Variants in KDM4B observed in about 807,000 individuals in gnomAD.
The protein encoded by KDM4B is lysine-specific demethylase 4B.
A neutral mutation model predicts 125.2 loss-of-function variants in KDM4B; 32 were observed. The ratio of observed to expected loss-of-function variants is 0.26; its 90% CI spans 0.19 to 0.34. The LOEUF is 0.34. Ranked by LOEUF, KDM4B falls within the 10% of genes least tolerant of loss-of-function variation. KDM4B has a pLI of 1.00. For missense variants in KDM4B, 1,190 were observed against 1,577.7 expected (o/e 0.75, Z 4.16); for synonymous variants, 721 against 677.9 (o/e 1.06, Z -0.99).
intron 1 of KDM4B, among the ~76,000 whole-genome samples, chr19:4,985,325 T>TA (rs559931492): frequency 2.7e-4 from 41 of 149,392 alleles, no homozygotes; most frequent in Middle Eastern, 3.4e-3. Flanking sequence ...CTCCGTCTCT[T>TA]AAAAAAAAAA....
intron 3 of KDM4B, among the ~76,000 whole-genome samples, chr19:5,033,690 C>T (rs1194035194): frequency 6.6e-6 from 1 of 152,216 alleles, no homozygotes; most frequent in African/African-American, 2.4e-5. Flanking sequence ...CAGGAGCCTC[C>T]TCCCTGTCCC....
intron 1 of KDM4B, among the ~76,000 whole-genome samples, chr19:5,006,860 G>T (rs1568222115): frequency 6.6e-6 from 1 of 152,158 alleles, no homozygotes; most frequent in Non-Finnish European, 1.5e-5. Context: ...ACTTGGGACG[G>T]CCTCCATGTT....
intron 9 of KDM4B, among the ~76,000 whole-genome samples, chr19:5,099,555 G>A (rs1470105451): frequency 6.6e-6 from 1 of 152,242 alleles, no homozygotes; most frequent in Non-Finnish European, 1.5e-5. Flanking sequence ...AAGCCAACAT[G>A]GCAGGTTAGC....
At chr19:5,020,877 T>C (rs1225585845) in intron 2 of KDM4B, among the ~76,000 whole-genome samples, 1 of 152,180 alleles carries the variant, frequency 6.6e-6, no homozygotes, top group East Asian at 1.9e-4. Context: ...CCGGGTGTGG[T>C]GGCTCACGCC....
intron 9 of KDM4B, among the ~76,000 whole-genome samples, chr19:5,107,936 A>T (rs1363694551): frequency 6.6e-6 from 1 of 152,198 alleles, no homozygotes; most frequent in African/African-American, 2.4e-5. Flanking sequence ...CTGCAGAGCC[A>T]CGTGGAGACT....
intron 5 of KDM4B, among the ~76,000 whole-genome samples, chr19:5,044,503 T>C (rs1599490097): frequency 6.6e-6 from 1 of 152,222 alleles, no homozygotes; most frequent in East Asian, 1.9e-4. Flanking sequence ...GGCTGTGTTC[T>C]CTTTTTGGCT....
At chr19:5,033,163 CA>C (rs1374875317) in intron 3 of KDM4B, 132 bp downstream of exon 3, 14 of 1,059,350 alleles carry the variant, frequency 1.3e-5, no homozygotes, top group Admixed American at 2.3e-5. Context: ...GGGCCACTCC[CA>C]GCTCGTTTAC....
chr19:4,994,309 C>T (rs113979026), intron 1 of KDM4B, among the ~76,000 whole-genome samples: 6,149 of 151,498 alleles, frequency 0.041, 190 homozygotes, highest in Non-Finnish European at 0.067. Flanking sequence ...CAGTGGCTCA[C>T]GCCTGTAATC....
rs1414865288 is a variant in KDM4B, at chr19:5,150,560, G to C, written c.3114+110G>C. 1.2e-5 allele frequency: 9 copies of C among 748,960 alleles called. No individual in the cohort carries two copies. The African/African-American group carries it at 1.2e-4, about 10-fold the overall frequency. The allele number at this position is 748,960 out of a possible 1,614,324, so 46.4% of individuals were successfully genotyped here. On this transcript the variant is annotated intron_variant, in intron 22 of 22. Transcript: ENST00000159111. The stretch of plus-strand genomic sequence containing the variant: ...ATGGCGTGGACCACCCCCTCCTCTT[G>C]CACCTCTGCTGGAAGGGGGTCCCGG...
intron 1 of KDM4B, among the ~76,000 whole-genome samples, chr19:5,008,680 T>A (rs2035636305): frequency 6.6e-6 from 1 of 150,470 alleles, no homozygotes; most frequent in South Asian, 2.1e-4. Flanking sequence ...AACCTCTGCC[T>A]TCTGGGTTCA....
intron 3 of KDM4B, among the ~76,000 whole-genome samples, chr19:5,033,392 C>T (rs1222911757): frequency 6.6e-6 from 1 of 152,166 alleles, no homozygotes; most frequent in East Asian, 1.9e-4. Flanking sequence ...TGTTCAGTGC[C>T]CAGGAAGGCC....
At chr19:5,063,667 G>C (rs1464592301) in intron 6 of KDM4B, among the ~76,000 whole-genome samples, 1 of 152,236 alleles carries the variant, frequency 6.6e-6, no homozygotes, top group Admixed American at 6.5e-5. Context: ...AGGGACCGTG[G>C]CTCTCTGGTC....
At chr19:5,130,992 C>A in intron 11 of KDM4B, 84 bp from the exon 12 acceptor site, 1 of 1,069,274 alleles carries the variant, frequency 9.4e-7, no homozygotes, top group Non-Finnish European at 1.3e-6. Context: ...CCATCCCAGT[C>A]AAAGTTGGGG....
At chr19:5,139,704 A>G (rs2039708294) in intron 18 of KDM4B, among the ~76,000 whole-genome samples, 1 of 152,166 alleles carries the variant, frequency 6.6e-6, no homozygotes, top group Admixed American at 6.5e-5. Flanking sequence ...CCTGTTGGCC[A>G]TCTGCATGCC....
At chr19:5,106,460 C>T (rs886139767) in intron 9 of KDM4B, among the ~76,000 whole-genome samples, 4 of 152,180 alleles carry the variant, frequency 2.6e-5, no homozygotes, top group Admixed American at 2.0e-4. Flanking sequence ...CTCCTGAGGC[C>T]GCCAGGGTCT....
chr19:5,050,885 G>C (rs2037199460), intron 6 of KDM4B, among the ~76,000 whole-genome samples: 1 of 152,222 alleles, frequency 6.6e-6, no homozygotes, highest in Non-Finnish European at 1.5e-5. Flanking sequence ...GGGCGACAGA[G>C]TGAGACTCCG....
intron 1 of KDM4B, among the ~76,000 whole-genome samples, chr19:5,010,536 C>T (rs1027377476): frequency 1.3e-5 from 2 of 152,190 alleles, no homozygotes; most frequent in African/African-American, 4.8e-5. Context: ...GGAAATATTC[C>T]CGTGGTGTTG....
chr19:5,080,094 G>A (rs554669044), intron 8 of KDM4B, among the ~76,000 whole-genome samples: 1 of 152,326 alleles, frequency 6.6e-6, no homozygotes, highest in East Asian at 1.9e-4. Flanking sequence ...TCTGCTGCAC[G>A]TGGCTGTCAC....
At chr19:5,121,504 G>A (rs2039361173) in intron 11 of KDM4B, among the ~76,000 whole-genome samples, 1 of 152,174 alleles carries the variant, frequency 6.6e-6, no homozygotes, top group Non-Finnish European at 1.5e-5. Flanking sequence ...AGCTGCCAGA[G>A]ATGAGCGACA....
Sources: allele counts gnomAD v4.1 joint callset (sites outside exome capture counted in the v4.1 genomes callset), GRCh38; gene constraint gnomAD v4.1.1; transcripts MANE v1.5; gene names NCBI Gene and HGNC (gene_info 2026-07-23, HGNC 2026-07-21).